The following UBXN11 variants were observed in gnomAD, a reference collection of about 807,000 sequenced individuals.
UBXN11 encodes the protein UBX domain protein 11, also known as UBX domain-containing protein 11.
Under a neutral mutation model 62.8 loss-of-function variants are expected in UBXN11, and 47 were observed. The ratio of observed to expected loss-of-function variants is 0.75; its 90% CI spans 0.59 to 0.95. UBXN11 has a LOEUF of 0.95. Among genes scored for constraint, UBXN11 ranks in the 40% least tolerant of loss-of-function variants. The pLI, the probability that UBXN11 is intolerant of heterozygous loss-of-function variation, is 0.00. For synonymous variants in UBXN11, 294 were observed against 267.0 expected, an observed-to-expected ratio of 1.10 and a Z score of -0.99; for missense variants, 638 against 661.7, an observed-to-expected ratio of 0.96 and a Z score of 0.39.
At chr1:26,301,141 G>A (rs1192046135) in intron 3 of UBXN11, 117 bp from the exon 4 acceptor site, 6 of 1,555,368 alleles carry the variant, frequency 3.9e-6, no homozygotes, top group Non-Finnish European at 5.2e-6. Flanking sequence ...AGTTTGAGGA[G>A]AGAGAATTCA....
chr1:26,300,979 T>A lies in UBXN11; in HGVS notation c.146A>T (p.Lys49Met). ...GCCATAGCAGGAAGGGACTGAGATC[T>A]TTTCTTCTGAGCCACACCCATCACT... ...MLSDGCGSEE[K>M]ISVPSCYGGI... Residue 49 changes from lysine to methionine, a missense_variant, in exon 4 of 15, where the codon AAG becomes ATG. Transcript: ENST00000374222. 6.2e-7 allele frequency: 1 copy of A among 1,614,180 alleles called. No individual in the cohort carries two copies.
At chr1:26,297,831 T>C in intron 5 of UBXN11, 131 bp downstream of exon 5, 1 of 1,015,740 alleles carries the variant, frequency 9.8e-7, no homozygotes, top group Non-Finnish European at 1.4e-6. Context: ...CCACACCTGG[T>C]CCTCGAACTG....
chr1:26,302,362 TAAAAAAAAAA>T (rs56003085), intron 2 of UBXN11, among the ~76,000 whole-genome samples: 24 of 69,562 alleles, frequency 3.5e-4, no homozygotes, highest in Middle Eastern at 0.013. Context: ...ACTTGGTCTT[TAAAAAAAAAA>T]AAAAAAAAAA....
upstream of UBXN11, among the ~76,000 whole-genome samples, chr1:26,307,478 T>G (rs1016449110): frequency 7.0e-6 from 1 of 142,656 alleles, no homozygotes; most frequent in African/African-American, 2.4e-5. Context: ...CAAAAACGTT[T>G]CCTGCTGTTA....
chr1:26,282,729 C>A lies in UBXN11; in HGVS notation c.1212G>T (p.Glu404Asp). The A allele has an allele frequency of 6.2e-7, 1 of 1,614,216 alleles. No homozygotes were observed. Among genetic ancestry groups the A allele is most frequent in the Non-Finnish European group, 8.5e-7 (1 of 1,180,038 alleles). The change falls in exon 14 of 15, where the codon GAG becomes GAT. Residue 404 changes from glutamate (E) to aspartate (D), a missense_variant. Transcript: ENST00000374222. ...PPLSMLRIKS[E>D]NGEQAFLLMM... Reference sequence around the variant, plus strand: ...TCAGTAGGAAGGCCTGTTCCCCATTCTCAGACTTGATGCGCAGCATGGAGA... The same window carrying A: ...TCAGTAGGAAGGCCTGTTCCCCATTATCAGACTTGATGCGCAGCATGGAGA...
Position 26,284,454 on chromosome 1 carries a change from A to G in UBXN11, c.881T>C (p.Leu294Pro), listed in dbSNP as rs747181641. Residue 294 changes from leucine to proline, a missense_variant, in exon 11 of 15, where the codon CTG (leucine) becomes CCG (proline). Transcript: ENST00000374222. ...KVSDLRNQVY[L>P]EDGLDPFPGE... is the part of the protein sequence containing the mutation. The stretch of plus-strand genomic sequence containing the variant: ...TGGGAAGGGGTCCAGTCCATCCTCC[A>G]GGTAGACCTGATTGCGCAAGTCACT... The G allele has an allele frequency of 6.2e-7, 1 of 1,608,470 alleles. No individual in the cohort carries two copies. Among genetic ancestry groups the G allele is most frequent in the Non-Finnish European group, 8.5e-7 (1 of 1,176,514 alleles).
upstream of UBXN11, chr1:26,306,817 T>G (rs2073678545): frequency 1.2e-4 from 1 of 8,374 alleles, no homozygotes. Flanking sequence ...GGGCTCCAGG[T>G]CCGGGGCGGG....
intron 1 of UBXN11, among the ~76,000 whole-genome samples, chr1:26,304,752 C>T (rs12132137): frequency 0.53 from 80,060 of 151,398 alleles, 22,490 homozygotes; most frequent in Non-Finnish European, 0.65. Context: ...GACTCCATCT[C>T]AAAAAAAAAT....
chr1:26,312,979 C>CAAAAAAAAAAAAAAA (rs55777309), intron 1 of UBXN11, among the ~76,000 whole-genome samples: 1 of 48,152 alleles, frequency 2.1e-5, no homozygotes, highest in African/African-American at 9.2e-5. Flanking sequence ...AACTCTGTCT[C>CAAAAAAAAAAAAAAA]AAAAAAAAAA....
Position 26,282,525 on chromosome 1 carries a change from G to T in UBXN11, c.1337C>A (p.Pro446His). ...GAGTGTATCGTCCTGGTAGAGGGTGGGCGGGAATGTGCTGAAGATCTCAAA... is the reference window on the plus strand; with the variant it reads ...GAGTGTATCGTCCTGGTAGAGGGTGTGCGGGAATGTGCTGAAGATCTCAAA... ...SAFEIFSTFP[P>H]TLYQDDTLTL... The change falls in exon 15 of 15, where the codon CCC (proline) becomes CAC (histidine). Residue 446 changes from proline (P) to histidine (H), a missense_variant. Coordinates refer to ENST00000374222, the MANE Select transcript of UBXN11 (RefSeq NM_001389556.1). The T allele has an allele frequency of 6.3e-7, 1 of 1,597,076 alleles. No homozygotes were observed. The highest frequency in any genetic ancestry group is 8.6e-7 in the Non-Finnish European group (1 of 1,168,410).
rs1435595482 is a variant in UBXN11 at position 26,301,790 on chromosome 1, G to A, written c.72-68C>T. The A allele has an allele frequency of 5.6e-6, 9 of 1,593,406 alleles. No individual in the cohort carries two copies. The Admixed American group carries it at 1.4e-4, about 24-fold the overall frequency. On this transcript the variant is annotated intron_variant, in intron 2 of 14. Transcript: ENST00000374222. ...CCCCTGGAATGATACCAGGGATAAG[G>A]CTCTGGGCACCGGACTTCAGCCAAA...
chr1:26,298,429 A>T (rs1221950791), intron 4 of UBXN11, among the ~76,000 whole-genome samples: 3 of 152,220 alleles, frequency 2.0e-5, no homozygotes, highest in African/African-American at 7.2e-5. Flanking sequence ...AACAGCAGAT[A>T]GAGGAGTGAG....
At chr1:26,306,824 C>CGGGGGGGGG (rs1344172803), upstream of UBXN11, 28 of 5,120 alleles carry the variant, frequency 5.5e-3, 1 homozygote, top group African/African-American at 9.3e-3. Context: ...AGGTCCGGGG[C>CGGGGGGGGG]GGGGTGGGGG....
rs530627303 is a variant in UBXN11 at position 26,293,421 on chromosome 1, T to A, written c.559+784A>T. Among the ~76,000 whole-genome samples the A allele has an allele frequency of 7.2e-5, 11 of 152,000 alleles. No homozygotes were observed. In the South Asian group the frequency reaches 2.3e-3, roughly 32 times the overall value. On this transcript the variant is annotated intron_variant, in intron 8 of 14. Transcript: ENST00000374222. Reference sequence around the variant, plus strand: ...CTGTGGGAGGAATCCCTCTAGATATTAGAAGTTAAAAATAAGACATGGTAG... The same window carrying A: ...CTGTGGGAGGAATCCCTCTAGATATAAGAAGTTAAAAATAAGACATGGTAG...
intron 7 of UBXN11, among the ~76,000 whole-genome samples, chr1:26,295,211 C>T (rs2073364484): frequency 1.3e-5 from 2 of 152,080 alleles, no homozygotes; most frequent in African/African-American, 2.4e-5. Flanking sequence ...CCTGAGAATC[C>T]TCTGTCGCCC....
Position 26,302,760 on chromosome 1 carries a change from TAGAAGAGGATACAGAGGCGGGGAC to T in UBXN11, c.71+29_71+52del, listed in dbSNP as rs2073569775. On this transcript the variant is annotated intron_variant, in intron 2 of 14. Transcript: ENST00000374222. ...TCACTGTCCTCTGGCCATGGAAGGATAGAAGAGGATACAGAGGCGGGGACAGAAAGACCCCTGAGGCTGGCTCCT... is the reference window on the plus strand; with the variant it reads ...TCACTGTCCTCTGGCCATGGAAGGATAGAAAGACCCCTGAGGCTGGCTCCT... 3 of 1,580,090 alleles carry T rather than the reference TAGAAGAGGATACAGAGGCGGGGAC, an allele frequency of 1.9e-6. No individual in the cohort carries two copies. The Admixed American group carries it at 5.1e-5, about 27-fold the overall frequency.
At chr1:26,292,266 C>T (rs2073285368) in intron 8 of UBXN11, among the ~76,000 whole-genome samples, 1 of 152,204 alleles carries the variant, frequency 6.6e-6, no homozygotes, top group Non-Finnish European at 1.5e-5. Flanking sequence ...AACTGTAATC[C>T]CAGCACTTTG....
chr1:26,294,201 C>T lies in UBXN11; in HGVS notation c.559+4G>A. 1.2e-6 allele frequency: 2 copies of T among 1,613,910 alleles called. No individual in the cohort carries two copies. The highest frequency in any genetic ancestry group is 1.7e-6 in the Non-Finnish European group (2 of 1,179,850). On this transcript the variant is annotated splice_donor_region_variant and intron_variant, in intron 8 of 14. Coordinates refer to ENST00000374222, the MANE Select transcript of UBXN11 (RefSeq NM_001389556.1). ...GAGGGCCTGGGGCAGACGCCCTGCT[C>T]TACCTGGCTTCCAGAACTTCTTGGC... is the stretch of plus-strand genomic sequence containing the variant.
chr1:26,317,102 A>T (rs4366307), intron 1 of UBXN11, among the ~76,000 whole-genome samples: 1 of 149,626 alleles, frequency 6.7e-6, no homozygotes, highest in African/African-American at 2.5e-5. Context: ...TTAGCCAGGC[A>T]TGGTGGCACA....
Sources: allele counts gnomAD v4.1 joint callset (sites outside exome capture counted in the v4.1 genomes callset), GRCh38; gene constraint gnomAD v4.1.1; transcripts MANE v1.5; gene names NCBI Gene and HGNC (gene_info 2026-07-23, HGNC 2026-07-21).